Variants in COL19A1 observed in about 807,000 individuals in gnomAD.
COL19A1 encodes collagen type XIX alpha 1 chain.
In COL19A1, 159 loss-of-function variants were observed where a neutral mutation model predicts 190.2. The ratio of observed to expected loss-of-function variants is 0.84; its 90% CI spans 0.73 to 0.95. COL19A1 has a LOEUF of 0.95. Among genes scored for constraint, COL19A1 ranks in the 40% least tolerant of loss-of-function variants. The pLI is 0.00. For missense variants in COL19A1, 1,418 were observed against 1,431.9 expected (o/e 0.99, Z 0.16); for synonymous variants, 509 against 458.9 (o/e 1.11, Z -1.39).
intron 14 of COL19A1, 58 bp from the exon 15 acceptor site, chr6:70,068,365 T>C: frequency 9.5e-7 from 1 of 1,056,810 alleles, no homozygotes; most frequent in South Asian, 1.3e-5. Context: ...CACAACATTC[T>C]TTGTGAGGCA....
chr6:69,944,956 T>A (rs895599455), intron 9 of COL19A1, among the ~76,000 whole-genome samples: 5 of 152,160 alleles, frequency 3.3e-5, no homozygotes, highest in East Asian at 3.9e-4. Context: ...CTGAATTTTT[T>A]AATTCCCTTT....
At chr6:69,922,608 G>A (rs1037578238) in intron 4 of COL19A1, among the ~76,000 whole-genome samples, 1 of 150,840 alleles carries the variant, frequency 6.6e-6, no homozygotes. Flanking sequence ...AGCCAACTGA[G>A]TAGCTGGGAT....
chr6:70,143,248 C>T (rs1348481332), intron 23 of COL19A1, among the ~76,000 whole-genome samples: 1 of 152,096 alleles, frequency 6.6e-6, no homozygotes, highest in Non-Finnish European at 1.5e-5. Flanking sequence ...TAGCAAAAGC[C>T]TTCCAAAAAA....
intron 15 of COL19A1, among the ~76,000 whole-genome samples, chr6:70,094,418 CAG>C (rs754651738): frequency 4.9e-4 from 75 of 152,224 alleles, no homozygotes; most frequent in African/African-American, 1.5e-3. Context: ...CATATGGAAA[CAG>C]GGGAATGTTA....
intron 37 of COL19A1, among the ~76,000 whole-genome samples, chr6:70,166,424 T>A (rs567496129): frequency 6.6e-6 from 1 of 152,250 alleles, no homozygotes; most frequent in Non-Finnish European, 1.5e-5. Flanking sequence ...GAAACTCTAT[T>A]TATGTAGCTC....
chr6:70,175,083 T>C (rs1218480849), intron 41 of COL19A1, among the ~76,000 whole-genome samples: 1 of 152,156 alleles, frequency 6.6e-6, no homozygotes, highest in Non-Finnish European at 1.5e-5. Context: ...AAAATGAAAA[T>C]TTTGTAATTC....
intron 27 of COL19A1, among the ~76,000 whole-genome samples, chr6:70,147,302 A>G (rs975074453): frequency 6.6e-6 from 1 of 152,168 alleles, no homozygotes; most frequent in Non-Finnish European, 1.5e-5. Flanking sequence ...ATGACACCAA[A>G]AAGGTCTGAG....
At position 69,909,225 on chromosome 6, in the gene COL19A1, A is replaced by G. The variant is rs1032019263; in HGVS notation, c.266+8887A>G. Among the ~76,000 whole-genome samples the G allele has an allele frequency of 2.6e-5, 4 of 152,248 alleles. No individual in the cohort carries two copies. The South Asian group carries it at 8.3e-4, about 31-fold the overall frequency. Reference sequence around the variant, plus strand: ...AAAAGAGGGTAGGTTCTCATTTCTGAGGAAAAAAGGAGTAGTTTTTCACTT... The same window carrying G: ...AAAAGAGGGTAGGTTCTCATTTCTGGGGAAAAAAGGAGTAGTTTTTCACTT... On this transcript the variant is annotated intron_variant, in intron 4 of 50. Transcript: ENST00000620364.
intron 9 of COL19A1, among the ~76,000 whole-genome samples, chr6:69,948,443 T>A (rs1488013510): frequency 2.0e-5 from 3 of 151,802 alleles, no homozygotes; most frequent in African/African-American, 7.2e-5. Context: ...AGGTGCAAAC[T>A]GCTACTTATT....
At chr6:70,069,052 G>A (rs939652020) in intron 15 of COL19A1, among the ~76,000 whole-genome samples, 1 of 152,118 alleles carries the variant, frequency 6.6e-6, no homozygotes, top group Non-Finnish European at 1.5e-5. Flanking sequence ...CTTCATATGA[G>A]CAGTGGGGAC....
In COL19A1 at chr6:70,137,567, G is replaced by A; in HGVS notation, c.1384-118G>A. The A allele has an allele frequency of 1.7e-5, 15 of 892,742 alleles. No homozygotes were observed. In the South Asian group the frequency reaches 2.4e-4, roughly 14 times the overall value. The allele number at this position is 892,742 out of a possible 1,614,324, so 55.3% of individuals were successfully genotyped here. ...ATTCAGAACTTTGCATTGTCTGTTG[G>A]ATGCTAATAGATAAATTGTATAGTT... is the stretch of plus-strand genomic sequence containing the variant. On this transcript the variant is annotated intron_variant, in intron 18 of 50. Coordinates refer to ENST00000620364, the MANE Select transcript of COL19A1 (RefSeq NM_001858.6).
intron 4 of COL19A1, among the ~76,000 whole-genome samples, chr6:69,915,122 T>C (rs1457987785): frequency 6.6e-6 from 1 of 152,210 alleles, no homozygotes; most frequent in Non-Finnish European, 1.5e-5. Context: ...CTGTGGTTCT[T>C]TTAGGAACAC....
At chr6:70,114,557 TTTG>T (rs1358965918) in intron 16 of COL19A1, among the ~76,000 whole-genome samples, 1 of 152,222 alleles carries the variant, frequency 6.6e-6, no homozygotes, top group Non-Finnish European at 1.5e-5. Context: ...TATTAATATT[TTTG>T]TTATCATTAT....
At chr6:70,151,333 A>G in intron 30 of COL19A1, 64 bp from the exon 31 acceptor site, 1 of 1,483,266 alleles carries the variant, frequency 6.7e-7, no homozygotes, top group East Asian at 2.3e-5. Context: ...ATTATACTGT[A>G]TGTTTATATT....
intron 49 of COL19A1, among the ~76,000 whole-genome samples, chr6:70,205,916 T>G (rs1767820376): frequency 6.6e-6 from 1 of 152,190 alleles, no homozygotes; most frequent in Non-Finnish European, 1.5e-5. Flanking sequence ...TCTCCTCTCT[T>G]GTTTCCTAGC....
At chr6:70,071,316 A>G (rs1207373166) in intron 15 of COL19A1, among the ~76,000 whole-genome samples, 3 of 152,094 alleles carry the variant, frequency 2.0e-5, no homozygotes, top group South Asian at 4.1e-4. Context: ...TAGCAACACT[A>G]TTTTTGCAAG....
At chr6:70,063,550 C>T (rs897229900) in intron 14 of COL19A1, among the ~76,000 whole-genome samples, 2 of 151,830 alleles carry the variant, frequency 1.3e-5, no homozygotes, top group Admixed American at 1.3e-4. Flanking sequence ...AAATTGACAC[C>T]CCAACATCGC....
intron 10 of COL19A1, among the ~76,000 whole-genome samples, chr6:69,961,116 C>T (rs1270564647): frequency 6.6e-6 from 1 of 152,094 alleles, no homozygotes; most frequent in African/African-American, 2.4e-5. Context: ...TATTAGATGC[C>T]CACCAAAGCC....
intron 2 of COL19A1, among the ~76,000 whole-genome samples, chr6:69,884,104 G>A (rs1289362062): frequency 6.6e-6 from 1 of 152,162 alleles, no homozygotes; most frequent in African/African-American, 2.4e-5. Flanking sequence ...GGAGGCCGAG[G>A]CAGGCGGATT....
Sources: gnomAD v4.1 joint callset for allele counts (sites outside exome capture counted in the v4.1 genomes callset) on GRCh38, gnomAD v4.1.1 for gene constraint, MANE v1.5 for transcripts, NCBI Gene and HGNC (gene_info 2026-07-23, HGNC 2026-07-21) for gene names.